The following NDUFS5 variants were observed in gnomAD, a reference collection of about 807,000 sequenced individuals.
NDUFS5 encodes NADH dehydrogenase [ubiquinone] iron-sulfur protein 5.
A neutral mutation model predicts 10.5 loss-of-function variants in NDUFS5; 7 were observed. That is an observed-to-expected ratio of 0.66 (90% CI 0.38 to 1.25). The LOEUF (loss-of-function observed/expected upper bound fraction) is 1.25, where lower values mean the gene tolerates loss of function less well. Ranked by LOEUF, NDUFS5 falls within the 50% of genes most tolerant of loss-of-function variation. NDUFS5 has a pLI of 0.02. For missense variants in NDUFS5, 148 were observed against 140.7 expected, an observed-to-expected ratio of 1.05 and a Z score of -0.26; for synonymous variants, 38 against 44.0, an observed-to-expected ratio of 0.86 and a Z score of 0.54.
rs372007959 is a variant in NDUFS5 at position 39,028,805 on chromosome 1, C to G, written c.81C>G (p.Tyr27Ter). 1 of 1,614,024 alleles carries G rather than the reference C, an allele frequency of 6.2e-7. No individual in the cohort carries two copies. Among genetic ancestry groups the G allele is most frequent in the East Asian group, 2.2e-5 (1 of 44,874 alleles). Residue 27 changes from tyrosine to a stop codon, truncating the protein, a stop_gained, in exon 2 of 3, where the codon TAC becomes TAG. Transcript: ENST00000372969. LOFTEE classifies it high-confidence loss of function. ...WLTIQSGEQP[Y>*]KMAGRCHAFE... ...CAATCCAGAGTGGTGAACAGCCCTA[C>G]AAGATGGCTGGTCGATGCCATGCTT...
intron 2 of NDUFS5, 66 bp downstream of exon 2, chr1:39,029,006 T>TG (rs952595438): frequency 4.1e-6 from 6 of 1,467,268 alleles, no homozygotes; most frequent in Middle Eastern, 3.5e-4. Flanking sequence ...TTTTTTTTTT[T>TG]TTTGAGACGA....
chr1:39,031,304 C>A (rs1418653391), intron 2 of NDUFS5, among the ~76,000 whole-genome samples: 8 of 151,964 alleles, frequency 5.3e-5, no homozygotes, highest in Admixed American at 2.0e-4. Context: ...AGCCACCACA[C>A]CCATCCTGTT....
chr1:39,033,138 T>C (rs1644201472), intron 2 of NDUFS5, among the ~76,000 whole-genome samples: 1 of 152,148 alleles, frequency 6.6e-6, no homozygotes, highest in Non-Finnish European at 1.5e-5. Context: ...AGAGACAGAA[T>C]TCAAGACTCA....
At chr1:39,028,356 CTGG>C (rs1308944144) in intron 1 of NDUFS5, among the ~76,000 whole-genome samples, 1 of 151,836 alleles carries the variant, frequency 6.6e-6, no homozygotes, top group Non-Finnish European at 1.5e-5. Flanking sequence ...CGCTTGAACC[CTGG>C]AGGAGGAGGT....
chr1:39,028,771 G>A lies in NDUFS5; in HGVS notation c.47G>A (p.Arg16Gln), dbSNP rs1644170197. Residue 16 changes from arginine (R) to glutamine (Q), a missense_variant, in exon 2 of 3, where the codon CGA becomes CAA. Arg to Gln is a conservative substitution (Grantham distance 43). Coordinates refer to ENST00000372969, the MANE Select transcript of NDUFS5 (RefSeq NM_004552.3). ...AAAAGGTTCGGCCTTAACATAGATC[G>A]ATGGTTGACAATCCAGAGTGGTGAA... ...IQKRFGLNID[R>Q]WLTIQSGEQP... 5 of 1,614,054 alleles carry A rather than the reference G, an allele frequency of 3.1e-6. No homozygotes were observed. Among genetic ancestry groups the A allele is most frequent in the South Asian group, 2.2e-5 (2 of 91,066 alleles).
chr1:39,028,843 G>A lies in NDUFS5; in HGVS notation c.119G>A (p.Trp40Ter). 1 of 1,614,140 alleles carries A rather than the reference G, an allele frequency of 6.2e-7. No individual in the cohort carries two copies. The highest frequency in any genetic ancestry group is 1.3e-5 in the African/African-American group (1 of 75,028). The change falls in exon 2 of 3, where the codon TGG becomes TAG. Residue 40 changes from tryptophan to a stop codon, truncating the protein, a stop_gained. Coordinates refer to ENST00000372969, the MANE Select transcript of NDUFS5 (RefSeq NM_004552.3). LOFTEE classifies it high-confidence loss of function. ...AGRCHAFEKE[W>*]IECAHGIGYT... ...CGATGCCATGCTTTTGAAAAAGAAT[G>A]GATAGAATGTGCACATGGAATCGGT...
chr1:39,030,709 G>A (rs1644184527), intron 2 of NDUFS5, among the ~76,000 whole-genome samples: 2 of 137,492 alleles, frequency 1.5e-5, no homozygotes. Flanking sequence ...GACAGAGCGA[G>A]ACTCTGTCTC....
intron 1 of NDUFS5, among the ~76,000 whole-genome samples, chr1:39,027,431 G>A (rs554177967): frequency 1.3e-5 from 2 of 152,108 alleles, no homozygotes; most frequent in South Asian, 2.1e-4. Context: ...GGGTGTGCGC[G>A]CGCTTCCTTT....
rs374834343 is a variant in NDUFS5 at position 39,030,063 on chromosome 1, C to T, written c.216+1123C>T. Among the ~76,000 whole-genome samples, 337 of 151,966 alleles carry T rather than the reference C, an allele frequency of 2.2e-3. 3 individuals are homozygous for T. Among genetic ancestry groups the T allele is most frequent in the African/African-American group, 8.0e-3 (332 of 41,464 alleles). On this transcript the variant is annotated intron_variant, in intron 2 of 2. Transcript: ENST00000372969. ...CCGAGATCGTGCCACCGCACTCCAGCCTGGGCGACAGAGCGAGACTCTGCC... is the reference window on the plus strand; with the variant it reads ...CCGAGATCGTGCCACCGCACTCCAGTCTGGGCGACAGAGCGAGACTCTGCC...
At chr1:39,028,962 A>G (rs1336036564) in intron 2 of NDUFS5, 22 bp downstream of exon 2, 8 of 1,601,660 alleles carry the variant, frequency 5.0e-6, no homozygotes, top group Non-Finnish European at 6.8e-6. Flanking sequence ...ATGGAGGTGG[A>G]AGCTGAATTA....
chr1:39,030,096 A>C (rs1296685092), intron 2 of NDUFS5, among the ~76,000 whole-genome samples: 1 of 150,998 alleles, frequency 6.6e-6, no homozygotes, highest in Non-Finnish European at 1.5e-5. Flanking sequence ...GCCTCTAAAA[A>C]AAAAACCAAA....
chr1:39,030,663 T>G (rs998792350), intron 2 of NDUFS5, among the ~76,000 whole-genome samples: 1 of 147,426 alleles, frequency 6.8e-6, no homozygotes, highest in Non-Finnish European at 1.5e-5. Flanking sequence ...GAGCTTGCAG[T>G]GAGTCGAGAT....
In NDUFS5 at chr1:39,028,949, A is replaced by G; in HGVS notation, c.216+9A>G. 1 of 1,610,140 alleles carries G rather than the reference A, an allele frequency of 6.2e-7. No homozygotes were observed. The highest frequency in any genetic ancestry group is 1.3e-5 in the African/African-American group (1 of 74,802). Reference sequence around the variant, plus strand: ...TGCTTCGGCAGAAAACGGTAAGGAAATGATGGAGGTGGAAGCTGAATTACT... The same window carrying G: ...TGCTTCGGCAGAAAACGGTAAGGAAGTGATGGAGGTGGAAGCTGAATTACT... On this transcript the variant is annotated intron_variant, in intron 2 of 2. Coordinates refer to ENST00000372969, the MANE Select transcript of NDUFS5 (RefSeq NM_004552.3).
chr1:39,029,669 T>C (rs758398098), intron 2 of NDUFS5, among the ~76,000 whole-genome samples: 9 of 152,224 alleles, frequency 5.9e-5, no homozygotes, highest in Non-Finnish European at 1.3e-4. Context: ...GCAAATCCAT[T>C]ACATTCAACA....
At chr1:39,030,261 T>C (rs1644180543) in intron 2 of NDUFS5, among the ~76,000 whole-genome samples, 1 of 149,196 alleles carries the variant, frequency 6.7e-6, no homozygotes, top group Non-Finnish European at 1.5e-5. Flanking sequence ...AAAAATTACC[T>C]AGGCATGGTG....
intron 1 of NDUFS5, among the ~76,000 whole-genome samples, chr1:39,027,032 AATG>A (rs1356747905): frequency 2.0e-5 from 3 of 152,204 alleles, no homozygotes; most frequent in African/African-American, 7.2e-5. Context: ...CTACTCAGTA[AATG>A]ATGACTGAGG....
At chr1:39,026,711 C>T (rs1189432129) in intron 1 of NDUFS5, among the ~76,000 whole-genome samples, 1 of 152,248 alleles carries the variant, frequency 6.6e-6, no homozygotes, top group Admixed American at 6.5e-5. Context: ...TCGGCCCCGC[C>T]GGCCTCCTGA....
Position 39,034,432 on chromosome 1 carries a change from T to C in NDUFS5, c.257T>C (p.Leu86Pro). The C allele has an allele frequency of 4.3e-6, 7 of 1,613,736 alleles. No individual in the cohort carries two copies. Among genetic ancestry groups the C allele is most frequent in the Non-Finnish European group, 5.9e-6 (7 of 1,179,756 alleles). ...ACCATCAGGAAGCAGCGGGATAAGC[T>C]GATAAAGGAAGGAAAGTACACCCCT... ...AGTIRKQRDK[L>P]IKEGKYTPPP... Residue 86 changes from leucine (L) to proline (P), a missense_variant, in exon 3 of 3, where the codon CTG becomes CCG. Physicochemically the swap from Leu to Pro is moderately conservative, Grantham distance 98. Coordinates refer to ENST00000372969, the MANE Select transcript of NDUFS5 (RefSeq NM_004552.3).
intron 2 of NDUFS5, among the ~76,000 whole-genome samples, chr1:39,033,399 C>A (rs1410152885): frequency 6.6e-6 from 1 of 151,720 alleles, no homozygotes; most frequent in African/African-American, 2.4e-5. Flanking sequence ...TGGTGAAACC[C>A]CATCTCTACT....
Sources: allele counts gnomAD v4.1 joint callset (sites outside exome capture counted in the v4.1 genomes callset), GRCh38; gene constraint gnomAD v4.1.1; transcripts MANE v1.5; gene names NCBI Gene and HGNC (gene_info 2026-07-23, HGNC 2026-07-21).